Variants in KLF12 observed in about 807,000 individuals in gnomAD.
KLF12 encodes KLF transcription factor 12, also known as Krueppel-like factor 12.
KLF12 carries 9 observed loss-of-function variants against 37.8 expected under a neutral mutation model. That is an observed-to-expected ratio of 0.24 (90% CI 0.14 to 0.42). KLF12 has a LOEUF of 0.42. KLF12 is among the 10% of genes least tolerant of loss of function. KLF12 has a pLI of 1.00. For missense variants in KLF12, 411 were observed against 516.0 expected, an observed-to-expected ratio of 0.80 and a Z score of 1.97; for synonymous variants, 208 against 202.1, an observed-to-expected ratio of 1.03 and a Z score of -0.25.
the KLF12 span, among the ~76,000 whole-genome samples, chr13:74,278,563 A>G: frequency 6.6e-6 from 1 of 152,182 alleles, no homozygotes; most frequent in Non-Finnish European, 1.5e-5. Flanking sequence ...ACAGCCAAGG[A>G]CACATATTAA....
At chr13:73,953,479 C>A (rs1209763924) in intron 2 of KLF12, among the ~76,000 whole-genome samples, 4 of 152,164 alleles carry the variant, frequency 2.6e-5, no homozygotes, top group Non-Finnish European at 5.9e-5. Context: ...TTAACATATT[C>A]ATTGGTCATT....
At chr13:74,043,555 G>A (rs777099961) in intron 1 of KLF12, among the ~76,000 whole-genome samples, 1 of 152,148 alleles carries the variant, frequency 6.6e-6, no homozygotes, top group Non-Finnish European at 1.5e-5. Flanking sequence ...AATGAATCAG[G>A]ATTATACAAA....
chr13:73,836,099 C>CAAAG (rs1307515066), intron 4 of KLF12, among the ~76,000 whole-genome samples: 2 of 151,146 alleles, frequency 1.3e-5, no homozygotes, highest in Non-Finnish European at 2.9e-5. Flanking sequence ...GGCCAATGAT[C>CAAAG]AAAGTAGCAT....
chr13:73,904,469 C>CTTTTTTTTTTTTTTTT (rs11342071), intron 3 of KLF12, among the ~76,000 whole-genome samples: 8 of 92,022 alleles, frequency 8.7e-5, no homozygotes, highest in Non-Finnish European at 1.2e-4. Flanking sequence ...TCTTTCTTTC[C>CTTTTTTTTTTTTTTTT]TTTTTTTTTT....
the KLF12 span, among the ~76,000 whole-genome samples, chr13:74,268,619 C>G: frequency 1.3e-5 from 2 of 152,022 alleles, no homozygotes; most frequent in Non-Finnish European, 2.9e-5. Flanking sequence ...GAGATTGGAA[C>G]TCCTGTTCAG....
intron 5 of KLF12, among the ~76,000 whole-genome samples, chr13:73,802,986 T>A (rs1483373014): frequency 2.0e-5 from 3 of 152,202 alleles, no homozygotes; most frequent in Admixed American, 2.0e-4. Flanking sequence ...CCTATATATG[T>A]ATATAACTAG....
In KLF12 at chr13:74,089,500, C is replaced by T. The variant is rs912387728; in HGVS notation, c.-32+44239G>A. Among the ~76,000 whole-genome samples the T allele has an allele frequency of 2.0e-5, 3 of 152,006 alleles. No individual in the cohort carries two copies. The East Asian group carries it at 5.8e-4, about 29-fold the overall frequency. On this transcript the variant is annotated intron_variant, in intron 1 of 7. Transcript: ENST00000377669. The stretch of plus-strand genomic sequence containing the variant: ...TTTAAAAATTGTGACAAAGATACTA[C>T]TATAAAACCACAAACAGATATTTCT...
chr13:73,878,588 T>C (rs1030773508), intron 3 of KLF12, among the ~76,000 whole-genome samples: 5 of 152,238 alleles, frequency 3.3e-5, no homozygotes, highest in African/African-American at 9.6e-5. Flanking sequence ...CCTCATCTAT[T>C]TTGCAGTCTA....
the KLF12 span, among the ~76,000 whole-genome samples, chr13:74,141,227 A>T: frequency 6.6e-6 from 1 of 152,210 alleles, no homozygotes; most frequent in Non-Finnish European, 1.5e-5. Context: ...GTACAAAGAA[A>T]AGAGAATGGG....
At chr13:74,148,841 G>A in the KLF12 span, among the ~76,000 whole-genome samples, 1 of 152,068 alleles carries the variant, frequency 6.6e-6, no homozygotes, top group Non-Finnish European at 1.5e-5. Context: ...TTGAAATGGA[G>A]TCTCACTCTG....
intron 5 of KLF12, chr13:73,801,656 G>A (rs1023005689): frequency 6.6e-6 from 1 of 152,074 alleles, no homozygotes; most frequent in Non-Finnish European, 1.5e-5. Flanking sequence ...ATATCACGTG[G>A]TGAAGTATGT....
intron 2 of KLF12, among the ~76,000 whole-genome samples, chr13:73,968,272 A>G (rs9600198): frequency 0.019 from 2,909 of 152,358 alleles, 51 homozygotes; most frequent in East Asian, 0.089. Context: ...AACATAAAAT[A>G]GAAATATAAG....
At chr13:73,813,116 G>T in intron 5 of KLF12, 36 bp downstream of exon 5, 18 of 1,608,064 alleles carry the variant, frequency 1.1e-5, no homozygotes, top group Non-Finnish European at 1.5e-5. Flanking sequence ...GAACACCTTG[G>T]CAATTCTTAA....
chr13:74,058,283 A>G (rs898057069), intron 1 of KLF12, among the ~76,000 whole-genome samples: 1 of 150,254 alleles, frequency 6.7e-6, no homozygotes, highest in Non-Finnish European at 1.5e-5. Context: ...ATAATCTTTG[A>G]TAAGTTTCTC....
At chr13:74,185,080 T>C in the KLF12 span, among the ~76,000 whole-genome samples, 1 of 152,308 alleles carries the variant, frequency 6.6e-6, no homozygotes, top group Admixed American at 6.5e-5. Flanking sequence ...TGGGAACTTA[T>C]CTACTCTGTA....
the KLF12 span, among the ~76,000 whole-genome samples, chr13:74,240,369 C>T: frequency 1.9e-5 from 2 of 105,046 alleles, no homozygotes; most frequent in Non-Finnish European, 3.7e-5. Context: ...CTCTGGCTGC[C>T]CTTAACATTT....
intron 2 of KLF12, among the ~76,000 whole-genome samples, chr13:73,964,132 C>T (rs7335763): frequency 0.84 from 127,333 of 152,164 alleles, 53,854 homozygotes; most frequent in Middle Eastern, 0.91. Context: ...CCATTCATGA[C>T]CTTCCATCCA....
At chr13:73,955,701 C>G (rs1890810169) in intron 2 of KLF12, among the ~76,000 whole-genome samples, 1 of 152,210 alleles carries the variant, frequency 6.6e-6, no homozygotes, top group Non-Finnish European at 1.5e-5. Context: ...ACATTTATTA[C>G]TGAACGTATT....
chr13:73,823,870 C>A (rs1217836580), intron 4 of KLF12, among the ~76,000 whole-genome samples: 2 of 151,900 alleles, frequency 1.3e-5, no homozygotes, highest in African/African-American at 4.8e-5. Flanking sequence ...GCCACCATGC[C>A]CAGATTTTTT....
Sources: gnomAD v4.1 joint callset for allele counts (sites outside exome capture counted in the v4.1 genomes callset) on GRCh38, gnomAD v4.1.1 for gene constraint, MANE v1.5 for transcripts, NCBI Gene and HGNC (gene_info 2026-07-23, HGNC 2026-07-21) for gene names.